The following SETD3 variants were observed in gnomAD, a reference collection of about 807,000 sequenced individuals.
SETD3 encodes the protein SET domain containing 3, actin N3(tau)-histidine methyltransferase, also known as actin-histidine N-methyltransferase.
In SETD3, 19 loss-of-function variants were observed where a neutral mutation model predicts 63.0. That is an observed-to-expected ratio of 0.30 (90% confidence interval 0.21 to 0.44). The LOEUF (loss-of-function observed/expected upper bound fraction) is 0.44. Ranked by LOEUF, SETD3 falls within the 20% of genes least tolerant of loss-of-function variation. The pLI is 1.00. For missense variants in SETD3, 587 were observed against 728.5 expected (o/e 0.81, Z 2.24); for synonymous variants, 286 against 264.1 (o/e 1.08, Z -0.80).
chr14:99,420,070 C>T (rs1892504169), intron 6 of SETD3, among the ~76,000 whole-genome samples: 1 of 152,190 alleles, frequency 6.6e-6, no homozygotes, highest in African/African-American at 2.4e-5. Flanking sequence ...CAAAAAACCA[C>T]AAAAGGATGG....
chr14:99,403,261 C>T (rs1338828035), intron 11 of SETD3, among the ~76,000 whole-genome samples: 1 of 152,188 alleles, frequency 6.6e-6, no homozygotes, highest in Non-Finnish European at 1.5e-5. Context: ...CCGCCGAGCA[C>T]AGCAGCTTCC....
At chr14:99,419,770 G>A (rs1012407807) in intron 6 of SETD3, among the ~76,000 whole-genome samples, 16 of 141,916 alleles carry the variant, frequency 1.1e-4, no homozygotes, top group Admixed American at 5.6e-4. Flanking sequence ...GCGAGACTCC[G>A]TCTCAAAAAA....
intron 6 of SETD3, among the ~76,000 whole-genome samples, chr14:99,440,569 G>T (rs188504584): frequency 1.3e-5 from 2 of 152,208 alleles, no homozygotes; most frequent in Non-Finnish European, 2.9e-5. Flanking sequence ...GTCTCACTGC[G>T]GTCAGTGAGC....
At chr14:99,400,498 T>TC (rs1891332462) in intron 11 of SETD3, among the ~76,000 whole-genome samples, 1 of 152,138 alleles carries the variant, frequency 6.6e-6, no homozygotes, top group Non-Finnish European at 1.5e-5. Context: ...TTGGTAGCAC[T>TC]CCAGTTTTCA....
chr14:99,415,056 C>A (rs1448781987), intron 6 of SETD3, among the ~76,000 whole-genome samples: 1 of 152,148 alleles, frequency 6.6e-6, no homozygotes, highest in Non-Finnish European at 1.5e-5. Flanking sequence ...GTGCTCAGTG[C>A]GCAATTTTAG....
At chr14:99,451,864 T>C (rs953673776) in intron 6 of SETD3, among the ~76,000 whole-genome samples, 2 of 152,244 alleles carry the variant, frequency 1.3e-5, no homozygotes. Flanking sequence ...GTGAGGCTTC[T>C]GGTTACACAC....
chr14:99,464,452 C>G (rs560582396), intron 2 of SETD3, among the ~76,000 whole-genome samples: 67 of 152,328 alleles, frequency 4.4e-4, no homozygotes, highest in Middle Eastern at 3.4e-3. Context: ...CTCACTGAGG[C>G]CTGGAACAGG....
chr14:99,427,145 C>G (rs543172693), intron 6 of SETD3, among the ~76,000 whole-genome samples: 4 of 152,126 alleles, frequency 2.6e-5, no homozygotes, highest in Non-Finnish European at 4.4e-5. Context: ...CCTTTTAGCT[C>G]GAAAAATAAA....
chr14:99,448,240 G>A (rs12882515), intron 6 of SETD3, among the ~76,000 whole-genome samples: 1,605 of 152,234 alleles, frequency 0.011, 17 homozygotes, highest in Middle Eastern at 0.034. Context: ...CCCTCACAGG[G>A]TAAGGATCAA....
chr14:99,469,569 C>A (rs555293935), intron 1 of SETD3, among the ~76,000 whole-genome samples: 2 of 152,286 alleles, frequency 1.3e-5, no homozygotes, highest in Admixed American at 1.3e-4. Flanking sequence ...CATGGCAAAA[C>A]CTTGTCTCTA....
intron 1 of SETD3, among the ~76,000 whole-genome samples, chr14:99,472,700 G>A (rs1175407672): frequency 3.3e-5 from 5 of 152,100 alleles, no homozygotes; most frequent in Non-Finnish European, 7.4e-5. Context: ...ACGAACTCAA[G>A]TTAAATTACA....
In SETD3 at chr14:99,406,513, C is replaced by T; in HGVS notation, c.924+3G>A. 6.2e-7 allele frequency: 1 copy of T among 1,614,094 alleles called. No individual in the cohort carries two copies. Among genetic ancestry groups the T allele is most frequent in the Non-Finnish European group, 8.5e-7 (1 of 1,179,954 alleles). ...ACATTTTGTGAGATGCCACGAGACC[C>T]ACCTGCTCTCCAGCCCGAAAATCCT... On this transcript the variant is annotated splice_donor_region_variant and intron_variant, in intron 9 of 12. Coordinates refer to ENST00000331768, the MANE Select transcript of SETD3 (RefSeq NM_032233.3).
chr14:99,406,852 T>C (rs935013950), intron 8 of SETD3, among the ~76,000 whole-genome samples: 5 of 152,238 alleles, frequency 3.3e-5, no homozygotes, highest in African/African-American at 1.2e-4. Flanking sequence ...AGATTGTCAC[T>C]TGCTGGACTC....
chr14:99,410,121 C>T (rs905181784), intron 8 of SETD3: 21 of 1,406,974 alleles, frequency 1.5e-5, no homozygotes, highest in Middle Eastern at 1.8e-4. Flanking sequence ...AGGGCAGCCA[C>T]GCTGGAGGAG....
chr14:99,402,164 C>T (rs918295281), intron 11 of SETD3, among the ~76,000 whole-genome samples: 4 of 152,158 alleles, frequency 2.6e-5, no homozygotes, highest in African/African-American at 9.7e-5. Flanking sequence ...TCAGTCATAC[C>T]CCTCCCCTCC....
At chr14:99,477,963 G>T (rs921763880) in intron 1 of SETD3, among the ~76,000 whole-genome samples, 1 of 152,066 alleles carries the variant, frequency 6.6e-6, no homozygotes, top group Non-Finnish European at 1.5e-5. Flanking sequence ...AAAGGCAACA[G>T]AAGTGAAAAC....
At chr14:99,428,376 G>A (rs1470355832) in intron 6 of SETD3, among the ~76,000 whole-genome samples, 1 of 152,142 alleles carries the variant, frequency 6.6e-6, no homozygotes, top group Non-Finnish European at 1.5e-5. Flanking sequence ...TGGGTGCAGT[G>A]GCTCACACCT....
chr14:99,401,712 T>C lies in SETD3; in HGVS notation c.1178-1453A>G, dbSNP rs769689313. Among the ~76,000 whole-genome samples the C allele has an allele frequency of 6.6e-5, 10 of 152,326 alleles. No individual in the cohort carries two copies. The East Asian group carries it at 1.7e-3, about 26-fold the overall frequency. On this transcript the variant is annotated intron_variant, in intron 11 of 12. Transcript: ENST00000331768. ...CATTTTATATTCTTTGCATACAACATGGACGTTCTGTTTTTTTAAGCTTTC... is the reference window on the plus strand; with the variant it reads ...CATTTTATATTCTTTGCATACAACACGGACGTTCTGTTTTTTTAAGCTTTC...
chr14:99,484,108 A>G (rs1409815861), upstream of SETD3, among the ~76,000 whole-genome samples: 3 of 152,276 alleles, frequency 2.0e-5, no homozygotes, highest in African/African-American at 4.8e-5. Flanking sequence ...TGGCTTGACA[A>G]AAGTGGTTCT....
Sources: allele counts gnomAD v4.1 joint callset (sites outside exome capture counted in the v4.1 genomes callset), GRCh38; gene constraint gnomAD v4.1.1; transcripts MANE v1.5; gene names NCBI Gene and HGNC (gene_info 2026-07-23, HGNC 2026-07-21).